AGPS: variants seen among roughly 807,000 people sequenced by gnomAD.
The protein encoded by AGPS is alkyldihydroxyacetonephosphate synthase, peroxisomal.
Under a neutral mutation model 90.7 loss-of-function variants are expected in AGPS, and 26 were observed. The observed-to-expected ratio is 0.29, with a 90% CI of 0.21 to 0.40. The LOEUF (loss-of-function observed/expected upper bound fraction) is 0.40. AGPS is among the 10% of genes least tolerant of loss of function. The pLI is 1.00. For missense variants in AGPS, 540 were observed against 816.1 expected, an observed-to-expected ratio of 0.66 and a Z score of 4.12; for synonymous variants, 294 against 285.3, an observed-to-expected ratio of 1.03 and a Z score of -0.31.
chr2:177,514,477 T>C (rs572104215), intron 17 of AGPS, among the ~76,000 whole-genome samples: 1 of 152,182 alleles, frequency 6.6e-6, no homozygotes, highest in Non-Finnish European at 1.5e-5. Flanking sequence ...CTAGTATTAG[T>C]AAGGAAAATT....
chr2:177,466,240 T>A (rs1687445435), intron 9 of AGPS, among the ~76,000 whole-genome samples: 1 of 152,090 alleles, frequency 6.6e-6, no homozygotes, highest in Non-Finnish European at 1.5e-5. Flanking sequence ...AGAAAGGAGA[T>A]CCACAGTGGG....
chr2:177,512,140 G>A (rs531768831), intron 16 of AGPS, among the ~76,000 whole-genome samples: 59 of 151,788 alleles, frequency 3.9e-4, no homozygotes, highest in African/African-American at 1.2e-3. Flanking sequence ...TGTAATATAC[G>A]TTAACTCTTA....
At chr2:177,470,936 A>G (rs1042812059) in intron 10 of AGPS, among the ~76,000 whole-genome samples, 1 of 152,070 alleles carries the variant, frequency 6.6e-6, no homozygotes, top group Admixed American at 6.5e-5. Context: ...GTCCTCAGCC[A>G]TAAAATGGGA....
At chr2:177,461,837 G>A in intron 8 of AGPS, 56 bp from the exon 9 acceptor site, 2 of 1,534,638 alleles carry the variant, frequency 1.3e-6, no homozygotes, top group African/African-American at 1.4e-5. Context: ...AATGTGTTGA[G>A]TGCTGTACGT....
intron 1 of AGPS, chr2:177,393,497 G>A: frequency 1.0e-6 from 1 of 985,392 alleles, no homozygotes; most frequent in Non-Finnish European, 1.2e-6. Flanking sequence ...GGGGGAAACT[G>A]GTGGTGCCCT....
chr2:177,413,505 C>T (rs1433991573), intron 1 of AGPS, among the ~76,000 whole-genome samples: 3 of 152,042 alleles, frequency 2.0e-5, no homozygotes, highest in African/African-American at 7.3e-5. Context: ...TGGCATTTTC[C>T]CAGTTGGTGG....
intron 10 of AGPS, among the ~76,000 whole-genome samples, chr2:177,479,428 A>G (rs1324330271): frequency 6.6e-6 from 1 of 152,218 alleles, no homozygotes; most frequent in Non-Finnish European, 1.5e-5. Flanking sequence ...TTAGATATAT[A>G]TTCAAGAGAA....
chr2:177,451,565 T>A (rs1012100867), intron 8 of AGPS, among the ~76,000 whole-genome samples: 1 of 152,076 alleles, frequency 6.6e-6, no homozygotes, highest in Non-Finnish European at 1.5e-5. Flanking sequence ...GGCCAGATAA[T>A]GTTGAAAAGA....
At chr2:177,437,232 G>T (rs527342449) in intron 5 of AGPS, among the ~76,000 whole-genome samples, 178 bp downstream of exon 5, 73 of 151,872 alleles carry the variant, frequency 4.8e-4, no homozygotes, top group Non-Finnish European at 7.4e-4. Flanking sequence ...CTGAACTATT[G>T]GTTTTAACAA....
intron 8 of AGPS, 124 bp downstream of exon 8, chr2:177,445,750 C>T: frequency 1.5e-6 from 1 of 646,026 alleles, no homozygotes; most frequent in Non-Finnish European, 2.6e-6. Context: ...TTTTATGATA[C>T]ATTCATTCAC....
At position 177,433,466 on chromosome 2, in the gene AGPS, G is replaced by A. The variant is rs774733409; in HGVS notation, c.351-861G>A. The stretch of plus-strand genomic sequence containing the variant: ...TACATTTTCCATTTTGTCCATTGGC[G>A]TAGCAACAATAGCTGCTTTAAAACC... On this transcript the variant is annotated intron_variant, in intron 2 of 19. Coordinates refer to ENST00000264167, the MANE Select transcript of AGPS (RefSeq NM_003659.4). Among the ~76,000 whole-genome samples the A allele has an allele frequency of 1.0e-3, 155 of 152,116 alleles. 1 individual carries two copies. The highest frequency in any genetic ancestry group is 1.7e-3 in the East Asian group (9 of 5,184).
At chr2:177,510,206 A>G (rs1688830543) in intron 16 of AGPS, among the ~76,000 whole-genome samples, 2 of 152,138 alleles carry the variant, frequency 1.3e-5, no homozygotes, top group Non-Finnish European at 2.9e-5. Flanking sequence ...CAGGATGTTA[A>G]CATGGTTGGG....
At chr2:177,453,661 C>T (rs1417927647) in intron 8 of AGPS, among the ~76,000 whole-genome samples, 2 of 149,118 alleles carry the variant, frequency 1.3e-5, no homozygotes, top group East Asian at 4.0e-4. Context: ...ACTATAATAC[C>T]ATTATCATGT....
At chr2:177,440,131 T>C (rs1480737173) in intron 5 of AGPS, among the ~76,000 whole-genome samples, 1 of 152,144 alleles carries the variant, frequency 6.6e-6, no homozygotes, top group Non-Finnish European at 1.5e-5. Flanking sequence ...GATATGTAAA[T>C]ACTGTGTCAC....
chr2:177,434,656 T>C (rs1055386735), intron 3 of AGPS, among the ~76,000 whole-genome samples: 27 of 152,150 alleles, frequency 1.8e-4, no homozygotes, highest in Non-Finnish European at 3.4e-4. Context: ...TTATCCTCTC[T>C]GAGCCTTGGT....
chr2:177,412,750 A>T (rs1338091180), intron 1 of AGPS, among the ~76,000 whole-genome samples: 1 of 152,096 alleles, frequency 6.6e-6, no homozygotes, highest in African/African-American at 2.4e-5. Flanking sequence ...TCTTGGCCTC[A>T]CGGATTCCAA....
chr2:177,519,517 G>A (rs1689119463), intron 17 of AGPS, among the ~76,000 whole-genome samples: 1 of 152,138 alleles, frequency 6.6e-6, no homozygotes. Flanking sequence ...CAGCTTAGAA[G>A]AGTTTCTTCT....
chr2:177,477,128 AT>A (rs1687803685), intron 10 of AGPS, among the ~76,000 whole-genome samples: 1 of 151,982 alleles, frequency 6.6e-6, no homozygotes, highest in African/African-American at 2.4e-5. Context: ...TGTTTAGTCC[AT>A]TCACATTTAA....
chr2:177,409,390 T>A (rs1290644446), intron 1 of AGPS, among the ~76,000 whole-genome samples: 1 of 3,384 alleles, frequency 3.0e-4, no homozygotes, highest in Non-Finnish European at 8.4e-4. Context: ...TGATTTGACT[T>A]TTTTTTTTTT....
Sources: allele counts gnomAD v4.1 joint callset (sites outside exome capture counted in the v4.1 genomes callset), GRCh38; gene constraint gnomAD v4.1.1; transcripts MANE v1.5; gene names NCBI Gene and HGNC (gene_info 2026-07-23, HGNC 2026-07-21).